Variants in RFX4 observed in about 807,000 individuals in gnomAD.
RFX4 encodes the protein regulatory factor X4.
In RFX4, 10 loss-of-function variants were observed where a neutral mutation model predicts 95.0. The ratio of observed to expected loss-of-function variants is 0.11; its 90% confidence interval spans 0.06 to 0.18. The LOEUF (loss-of-function observed/expected upper bound fraction) is 0.18, where lower values mean the gene tolerates loss of function less well. Ranked by LOEUF, RFX4 falls within the 10% of genes least tolerant of loss-of-function variation. RFX4 has a pLI of 1.00. For synonymous variants in RFX4, 321 were observed against 340.7 expected, an observed-to-expected ratio of 0.94 and a Z score of 0.64; for missense variants, 640 against 922.0, an observed-to-expected ratio of 0.69 and a Z score of 3.96.
chr12:106,606,658 A>G (rs991065797), intron 1 of RFX4, among the ~76,000 whole-genome samples: 1 of 152,174 alleles, frequency 6.6e-6, no homozygotes, highest in South Asian at 2.1e-4. Context: ...TCTGCTCCTC[A>G]GTATTTCCTG....
At chr12:106,757,547 CAAAAAAAAAA>C (rs559762867) in intron 17 of RFX4, among the ~76,000 whole-genome samples, 1 of 56,596 alleles carries the variant, frequency 1.8e-5, no homozygotes, top group Non-Finnish European at 3.7e-5. Context: ...GACCCTGTCT[CAAAAAAAAAA>C]AAAAAAAAAG....
intron 8 of RFX4, among the ~76,000 whole-genome samples, chr12:106,708,344 T>C (rs1214514109): frequency 7.0e-6 from 1 of 142,028 alleles, no homozygotes; most frequent in Non-Finnish European, 1.5e-5. Flanking sequence ...TGTGTGTATG[T>C]TTTTTTTTTT....
intron 4 of RFX4, chr12:106,680,925 A>G (rs1227776843): frequency 1.3e-5 from 2 of 152,256 alleles, no homozygotes; most frequent in African/African-American, 4.8e-5. Context: ...TAACTTGCCC[A>G]AGGGCATCCA....
At chr12:106,639,451 T>C (rs1404267630) in intron 3 of RFX4, 59 bp downstream of exon 3, 2 of 1,412,814 alleles carry the variant, frequency 1.4e-6, no homozygotes, top group African/African-American at 1.4e-5. Context: ...TTCTTGTCTA[T>C]AGGATAGGAT....
chr12:106,662,581 C>T (rs2041096217), intron 4 of RFX4, among the ~76,000 whole-genome samples: 2 of 152,112 alleles, frequency 1.3e-5, no homozygotes, highest in South Asian at 4.1e-4. Flanking sequence ...TCCAGCTTAT[C>T]AATTATCTCT....
At chr12:106,714,749 A>G (rs983520893) in intron 10 of RFX4, among the ~76,000 whole-genome samples, 7 of 152,194 alleles carry the variant, frequency 4.6e-5, no homozygotes, top group Non-Finnish European at 8.8e-5. Flanking sequence ...ATACATATAT[A>G]TAATTATTCA....
In RFX4 at chr12:106,732,913, T is replaced by G. The variant is rs1592994463; in HGVS notation, c.1472-11T>G. 2 of 1,612,012 alleles carry G rather than the reference T, an allele frequency of 1.2e-6. No homozygotes were observed. Among genetic ancestry groups the G allele is most frequent in the Non-Finnish European group, 1.7e-6 (2 of 1,178,526 alleles). On this transcript the variant is annotated splice_polypyrimidine_tract_variant and intron_variant, in intron 14 of 17. Coordinates refer to ENST00000392842, the MANE Select transcript of RFX4 (RefSeq NM_213594.3). ...TTTGGTTTTAAAAACTTACCCTATC[T>G]CTATCCACAGCAGAAGTCCGAGAAG... is the stretch of plus-strand genomic sequence containing the variant.
intron 15 of RFX4, among the ~76,000 whole-genome samples, chr12:106,742,882 G>A (rs1259507733): frequency 6.6e-6 from 1 of 152,226 alleles, no homozygotes; most frequent in Non-Finnish European, 1.5e-5. Context: ...AAATGAGCAT[G>A]AGATATGGTT....
intron 16 of RFX4, among the ~76,000 whole-genome samples, chr12:106,749,257 C>CA (rs1162244017): frequency 0.093 from 4,525 of 48,824 alleles, 192 homozygotes; most frequent in African/African-American, 0.18. Flanking sequence ...TACTCCAACT[C>CA]AAAAAAAAAA....
At chr12:106,623,037 CTTTTTTTTT>C (rs143790292) in intron 2 of RFX4, among the ~76,000 whole-genome samples, 1 of 120,364 alleles carries the variant, frequency 8.3e-6, no homozygotes, top group Non-Finnish European at 1.7e-5. Context: ...CAGCATTAGT[CTTTTTTTTT>C]TTTTTTTTTT....
rs550750453 is a variant in RFX4 at position 106,613,508 on chromosome 12, G to A, written c.130+4625G>A. Among the ~76,000 whole-genome samples the A allele has an allele frequency of 9.2e-5, 14 of 151,522 alleles. No homozygotes were observed. In the South Asian group the frequency reaches 1.3e-3, roughly 14 times the overall value. On this transcript the variant is annotated intron_variant, in intron 2 of 17. Transcript: ENST00000392842. ...CTCCCACATAGCTGGGATTACAGGCGCCCACCACCACACCCAGCCAATTTT... is the reference window on the plus strand; with the variant it reads ...CTCCCACATAGCTGGGATTACAGGCACCCACCACCACACCCAGCCAATTTT...
intron 13 of RFX4, among the ~76,000 whole-genome samples, chr12:106,722,455 A>G (rs2042413905): frequency 6.6e-6 from 1 of 152,238 alleles, no homozygotes; most frequent in South Asian, 2.1e-4. Flanking sequence ...GTTAACAGTC[A>G]ATGTAAAAAA....
At chr12:106,725,701 A>G (rs1325096680) in intron 13 of RFX4, among the ~76,000 whole-genome samples, 4 of 152,158 alleles carry the variant, frequency 2.6e-5, no homozygotes, top group East Asian at 1.9e-4. Flanking sequence ...TGAAAACTTA[A>G]GAGACAAAAC....
At chr12:106,739,073 A>G (rs2042761786) in intron 15 of RFX4, among the ~76,000 whole-genome samples, 1 of 152,026 alleles carries the variant, frequency 6.6e-6, no homozygotes, top group Non-Finnish European at 1.5e-5. Context: ...AAAAGTTTTG[A>G]AGTAGTTTAT....
At position 106,720,573 on chromosome 12, in the gene RFX4, G is replaced by T. The variant is rs2042378024; in HGVS notation, c.1234-186G>T. Among the ~76,000 whole-genome samples the T allele has an allele frequency of 3.3e-5, 5 of 151,946 alleles. No homozygotes were observed. The highest frequency in any genetic ancestry group is 2.6e-4 in the Admixed American group (4 of 15,252). ...AATTTTTGTATTTTTTGTAGAGATG[G>T]GGTTTCTGCCACGTTGCCCAGGCTG... On this transcript the variant is annotated intron_variant, in intron 12 of 17. Transcript: ENST00000392842. This position sits in a 1 kb window ranked among gnomAD's most constrained non-coding sequence, Gnocchi z 4.2.
intron 13 of RFX4, among the ~76,000 whole-genome samples, chr12:106,721,691 G>C (rs935715881): frequency 3.3e-5 from 5 of 152,076 alleles, no homozygotes; most frequent in Non-Finnish European, 7.4e-5. Flanking sequence ...AGGCATTTTC[G>C]GCAAAGGGGC....
At chr12:106,590,732 G>A (rs528866378) in intron 1 of RFX4, among the ~76,000 whole-genome samples, 1 of 152,266 alleles carries the variant, frequency 6.6e-6, no homozygotes, top group African/African-American at 2.4e-5. Flanking sequence ...ATCACTTGAG[G>A]GCAAGAGTTG....
intron 13 of RFX4, among the ~76,000 whole-genome samples, chr12:106,728,695 C>G (rs1448167215): frequency 6.6e-6 from 1 of 152,156 alleles, no homozygotes; most frequent in Non-Finnish European, 1.5e-5. Flanking sequence ...ATCTCCTTTT[C>G]ATTTTCCTGT....
chr12:106,645,404 G>A (rs745385875), intron 3 of RFX4, among the ~76,000 whole-genome samples: 10 of 152,008 alleles, frequency 6.6e-5, no homozygotes, highest in East Asian at 1.9e-4. Flanking sequence ...CTCCTTGTAC[G>A]CCTTCTGGGT....
Sources: gnomAD v4.1 joint callset for allele counts (sites outside exome capture counted in the v4.1 genomes callset) on GRCh38, gnomAD v4.1.1 for gene constraint, Gnocchi (gnomAD v3.1) non-coding constraint, MANE v1.5 for transcripts, NCBI Gene and HGNC (gene_info 2026-07-23, HGNC 2026-07-21) for gene names.